Variants in ULK4 observed in about 807,000 individuals in gnomAD.
ULK4 encodes inactive serine/threonine-protein kinase ULK4.
A neutral mutation model predicts 160.6 loss-of-function variants in ULK4; 133 were observed. The ratio of observed to expected loss-of-function variants is 0.83; its 90% CI spans 0.72 to 0.96. ULK4 has a LOEUF of 0.96. ULK4 is among the 40% of genes least tolerant of loss of function. The pLI, the probability that ULK4 is intolerant of heterozygous loss-of-function variation, is 0.00. For synonymous variants in ULK4, 534 were observed against 539.8 expected, an observed-to-expected ratio of 0.99 and a Z score of 0.15; for missense variants, 1,580 against 1,499.5, an observed-to-expected ratio of 1.05 and a Z score of -0.89.
At chr3:41,417,602 C>T (rs988513352) in intron 34 of ULK4, among the ~76,000 whole-genome samples, 1 of 152,166 alleles carries the variant, frequency 6.6e-6, no homozygotes, top group African/African-American at 2.4e-5. Flanking sequence ...GCTGACTCTG[C>T]AAACCCTGGG....
chr3:41,703,834 GCACA>G (rs35693704), intron 27 of ULK4, among the ~76,000 whole-genome samples: 16,616 of 128,910 alleles, frequency 0.13, 994 homozygotes, highest in South Asian at 0.17. Context: ...TAATGCGCAT[GCACA>G]CACACACACA....
At chr3:41,506,112 T>A (rs534825905) in intron 32 of ULK4, among the ~76,000 whole-genome samples, 1 of 152,200 alleles carries the variant, frequency 6.6e-6, no homozygotes, top group East Asian at 1.9e-4. Context: ...AAACAGTGCT[T>A]ATATTAATGT....
intron 31 of ULK4, among the ~76,000 whole-genome samples, chr3:41,572,172 T>C (rs908780610): frequency 1.3e-5 from 2 of 152,218 alleles, no homozygotes; most frequent in African/African-American, 4.8e-5. Flanking sequence ...GTCTATGGGA[T>C]GGCAGAAACC....
chr3:41,706,857 G>A (rs866909480), intron 25 of ULK4, among the ~76,000 whole-genome samples: 9,098 of 126,370 alleles, frequency 0.072, 1,083 homozygotes, highest in African/African-American at 0.29. Context: ...ATATGTGTGT[G>A]TGTGTGTGTG....
chr3:41,542,795 A>G (rs2086738602), intron 32 of ULK4, among the ~76,000 whole-genome samples: 1 of 152,144 alleles, frequency 6.6e-6, no homozygotes, highest in South Asian at 2.1e-4. Context: ...TAGATTTTCT[A>G]GTTTATTTGC....
chr3:41,795,630 T>C (rs537051965), intron 20 of ULK4, among the ~76,000 whole-genome samples: 72 of 152,324 alleles, frequency 4.7e-4, no homozygotes, highest in African/African-American at 1.7e-3. Context: ...CTTAAAGCGG[T>C]CATCAATTTT....
intron 11 of ULK4, among the ~76,000 whole-genome samples, chr3:41,909,689 T>C (rs1297817483): frequency 6.6e-6 from 1 of 152,086 alleles, no homozygotes; most frequent in African/African-American, 2.4e-5. Context: ...CACTCCAGCC[T>C]GGGCGACAGA....
At chr3:41,762,159 T>A (rs1362380185) in intron 21 of ULK4, among the ~76,000 whole-genome samples, 1 of 152,134 alleles carries the variant, frequency 6.6e-6, no homozygotes, top group Non-Finnish European at 1.5e-5. Context: ...TGCAAATTTT[T>A]TAACTCTGTA....
Position 41,387,647 on chromosome 3 carries a change from G to C in ULK4, c.3678+10432C>G, listed in dbSNP as rs558071604. ...TGTTTGGTTTTTTGTCCTTGTGATA[G>C]TTTGCTGAGAATGATGGTTTCCAGC... On this transcript the variant is annotated intron_variant, in intron 35 of 36. Coordinates refer to ENST00000301831, the MANE Select transcript of ULK4 (RefSeq NM_017886.4). Among the ~76,000 whole-genome samples, 3 of 152,242 alleles carry C rather than the reference G, an allele frequency of 2.0e-5. No individual in the cohort carries two copies. In the East Asian group the frequency reaches 5.8e-4, roughly 29 times the overall value.
At chr3:41,493,368 C>T (rs1308863807) in intron 32 of ULK4, among the ~76,000 whole-genome samples, 1 of 143,948 alleles carries the variant, frequency 6.9e-6, no homozygotes. Context: ...TAAAGATGTT[C>T]TTTGAAACCA....
At chr3:41,807,879 C>A (rs1388278306) in intron 19 of ULK4, among the ~76,000 whole-genome samples, 2 of 152,142 alleles carry the variant, frequency 1.3e-5, no homozygotes, top group African/African-American at 4.8e-5. Context: ...TTTATTCACT[C>A]TACTTGGTGA....
chr3:41,496,929 T>C (rs1351757022), intron 32 of ULK4, among the ~76,000 whole-genome samples: 1 of 151,760 alleles, frequency 6.6e-6, no homozygotes, highest in Non-Finnish European at 1.5e-5. Flanking sequence ...AACTCAACCT[T>C]CTCTAAAGGA....
At chr3:41,482,448 TG>T (rs1170577201) in intron 32 of ULK4, among the ~76,000 whole-genome samples, 1 of 151,988 alleles carries the variant, frequency 6.6e-6, no homozygotes, top group African/African-American at 2.4e-5. Context: ...AGGAGAAACT[TG>T]GGGCAAGGGG....
chr3:41,941,644 C>T (rs978696577), intron 2 of ULK4, among the ~76,000 whole-genome samples: 4 of 146,934 alleles, frequency 2.7e-5, no homozygotes, highest in Middle Eastern at 3.5e-3. Context: ...GTGGTCCCAG[C>T]TACTAGGGAG....
chr3:41,807,571 C>G (rs941467297), intron 19 of ULK4, among the ~76,000 whole-genome samples: 1 of 152,060 alleles, frequency 6.6e-6, no homozygotes, highest in East Asian at 1.9e-4. Flanking sequence ...TGAAGATTAA[C>G]AAAACACAAG....
At chr3:41,554,221 C>T (rs968863928) in intron 32 of ULK4, among the ~76,000 whole-genome samples, 4 of 152,158 alleles carry the variant, frequency 2.6e-5, no homozygotes, top group African/African-American at 9.7e-5. Flanking sequence ...AGGATACCTG[C>T]ACCTCTTTGT....
intron 32 of ULK4, among the ~76,000 whole-genome samples, chr3:41,534,785 C>T (rs2086440221): frequency 1.3e-5 from 2 of 152,112 alleles, no homozygotes; most frequent in African/African-American, 4.8e-5. Context: ...TAGAACTACA[C>T]CTTACACTCA....
At chr3:41,635,998 AT>A (rs1209693540) in intron 30 of ULK4, among the ~76,000 whole-genome samples, 2 of 152,202 alleles carry the variant, frequency 1.3e-5, no homozygotes, top group African/African-American at 4.8e-5. Context: ...CCCATTTTCC[AT>A]TTTGTACTCC....
At chr3:41,797,529 G>T (rs779465637) in intron 20 of ULK4, among the ~76,000 whole-genome samples, 4 of 152,088 alleles carry the variant, frequency 2.6e-5, no homozygotes, top group Non-Finnish European at 4.4e-5. Context: ...AAAAACTGAA[G>T]AACTGTGTCA....
Sources: allele counts gnomAD v4.1 joint callset (sites outside exome capture counted in the v4.1 genomes callset), GRCh38; gene constraint gnomAD v4.1.1; transcripts MANE v1.5; gene names NCBI Gene and HGNC (gene_info 2026-07-23, HGNC 2026-07-21).